The following CAP2 variants were observed in gnomAD, a reference collection of about 807,000 sequenced individuals.
CAP2 encodes adenylyl cyclase-associated protein 2.
Under a neutral mutation model 57.7 loss-of-function variants are expected in CAP2, and 24 were observed. That is an observed-to-expected ratio of 0.42 (90% CI 0.30 to 0.58). The LOEUF is 0.58. Ranked by LOEUF, CAP2 falls within the 20% of genes least tolerant of loss-of-function variation. The probability of loss-of-function intolerance (pLI) is 0.22; values close to 1 mark genes in which losing one functional copy is unlikely to be tolerated. For synonymous variants in CAP2, 194 were observed against 207.2 expected (o/e 0.94, Z 0.55); for missense variants, 501 against 590.3 (o/e 0.85, Z 1.57).
At chr6:17,439,611 C>T (rs985187666) in intron 3 of CAP2, among the ~76,000 whole-genome samples, 30 of 151,480 alleles carry the variant, frequency 2.0e-4, no homozygotes, top group Admixed American at 6.6e-4. Context: ...TGCAACTAGA[C>T]GGTCCCATTT....
intron 4 of CAP2, among the ~76,000 whole-genome samples, chr6:17,467,023 T>C (rs1760883610): frequency 6.6e-6 from 1 of 151,898 alleles, no homozygotes; most frequent in African/African-American, 2.4e-5. Flanking sequence ...TTAATAGGAG[T>C]TTTGGGCATT....
intron 1 of CAP2, among the ~76,000 whole-genome samples, chr6:17,396,064 T>C (rs1758656546): frequency 6.6e-6 from 1 of 152,160 alleles, no homozygotes; most frequent in African/African-American, 2.4e-5. Flanking sequence ...CTCAACATCA[T>C]TATTCATCAG....
intron 1 of CAP2, among the ~76,000 whole-genome samples, chr6:17,408,528 G>A (rs1561772590): frequency 6.6e-6 from 1 of 152,052 alleles, no homozygotes. Flanking sequence ...TTTGCAGGGG[G>A]TCAAACAAAC....
At chr6:17,496,338 A>G (rs1761669182) in intron 4 of CAP2, among the ~76,000 whole-genome samples, 1 of 151,718 alleles carries the variant, frequency 6.6e-6, no homozygotes, top group Non-Finnish European at 1.5e-5. Flanking sequence ...TATCTTGTTC[A>G]GTATTCTGAA....
At chr6:17,410,333 TC>T (rs1445797415) in intron 1 of CAP2, among the ~76,000 whole-genome samples, 155 of 152,306 alleles carry the variant, frequency 1.0e-3, no homozygotes, top group Non-Finnish European at 2.1e-4. Context: ...AACTACTGCA[TC>T]AGTATTGCTG....
chr6:17,469,594 G>C lies in CAP2; in HGVS notation c.300+6521G>C, dbSNP rs1760964661. Among the ~76,000 whole-genome samples the C allele has an allele frequency of 2.6e-5, 4 of 152,078 alleles. No individual in the cohort carries two copies. The South Asian group carries it at 8.3e-4, about 32-fold the overall frequency. On this transcript the variant is annotated intron_variant, in intron 4 of 12. Transcript: ENST00000229922. Reference sequence around the variant, plus strand: ...CTGAGTTCTGTATTCCTCCATAAGGGGGAGAGAGAGAGACAGAGAGCGCGT... The same window carrying C: ...CTGAGTTCTGTATTCCTCCATAAGGCGGAGAGAGAGAGACAGAGAGCGCGT...
intron 4 of CAP2, among the ~76,000 whole-genome samples, chr6:17,489,935 A>G (rs923608182): frequency 2.0e-5 from 3 of 152,010 alleles, no homozygotes; most frequent in Admixed American, 6.5e-5. Context: ...AGGTTGTCAA[A>G]TACAGGAGGT....
rs188558304 is a variant in CAP2 at position 17,495,696 on chromosome 6, G to A, written c.301-11473G>A. Among the ~76,000 whole-genome samples, 116 of 152,274 alleles carry A rather than the reference G, an allele frequency of 7.6e-4. 1 individual carries two copies. The highest frequency in any genetic ancestry group is 6.5e-5 in the Admixed American group (1 of 15,296). ...AAAGAAGCATCTCAGCTCAAGACTC[G>A]AAGATGAAAGTTCATTGGCCGTGAG... On this transcript the variant is annotated intron_variant, in intron 4 of 12. Transcript: ENST00000229922.
intron 4 of CAP2, among the ~76,000 whole-genome samples, chr6:17,476,864 CTTTTTTTTTTT>C (rs67003718): frequency 2.6e-4 from 19 of 72,456 alleles, no homozygotes; most frequent in African/African-American, 1.3e-3. Context: ...TTTCTTACTT[CTTTTTTTTTTT>C]TTTTTTTTTT....
At chr6:17,549,051 A>G (rs944778733) in intron 11 of CAP2, among the ~76,000 whole-genome samples, 6 of 152,230 alleles carry the variant, frequency 3.9e-5, no homozygotes, top group African/African-American at 1.4e-4. Flanking sequence ...TTTAAATTAT[A>G]TGTTTAACAG....
chr6:17,430,880 C>T (rs1200744759), intron 3 of CAP2, among the ~76,000 whole-genome samples: 1 of 152,186 alleles, frequency 6.6e-6, no homozygotes, highest in Non-Finnish European at 1.5e-5. Flanking sequence ...TGTTAGGATT[C>T]ATGGCGGAAC....
chr6:17,539,995 T>C (rs1762862581), intron 8 of CAP2, among the ~76,000 whole-genome samples: 1 of 152,106 alleles, frequency 6.6e-6, no homozygotes, highest in African/African-American at 2.4e-5. Context: ...GGTGGGAGGA[T>C]CGCTTGAGCC....
chr6:17,529,639 T>C (rs1419383211), intron 7 of CAP2, among the ~76,000 whole-genome samples: 6 of 61,302 alleles, frequency 9.8e-5, no homozygotes, highest in Non-Finnish European at 1.6e-4. Context: ...AGACTCCGTC[T>C]CAAAAAAAAA....
intron 3 of CAP2, among the ~76,000 whole-genome samples, chr6:17,444,386 C>T (rs1383693286): frequency 7.9e-5 from 12 of 152,070 alleles, no homozygotes; most frequent in Non-Finnish European, 2.9e-5. Flanking sequence ...CGCCTGTAAT[C>T]CCAGCATTTT....
intron 1 of CAP2, among the ~76,000 whole-genome samples, chr6:17,408,162 T>C (rs1182104645): frequency 6.6e-6 from 1 of 152,188 alleles, no homozygotes; most frequent in Admixed American, 6.5e-5. Flanking sequence ...AGAGGTTTGT[T>C]TGGCTGACAG....
At chr6:17,484,432 C>T (rs750691984) in intron 4 of CAP2, among the ~76,000 whole-genome samples, 4 of 152,018 alleles carry the variant, frequency 2.6e-5, no homozygotes, top group East Asian at 3.9e-4. Context: ...GTGCATCTGG[C>T]GGCATCATGA....
At chr6:17,405,318 G>C (rs71556108) in intron 1 of CAP2, among the ~76,000 whole-genome samples, 2 of 152,148 alleles carry the variant, frequency 1.3e-5, no homozygotes, top group East Asian at 3.9e-4. Context: ...GGAGGCAAAG[G>C]TTGCAGTGAG....
chr6:17,448,090 C>T (rs1446210971), intron 3 of CAP2, among the ~76,000 whole-genome samples: 4 of 152,252 alleles, frequency 2.6e-5, no homozygotes, highest in African/African-American at 7.2e-5. Flanking sequence ...GGCATGTATA[C>T]ATGCATGAAA....
At chr6:17,489,766 C>A (rs1581563175) in intron 4 of CAP2, among the ~76,000 whole-genome samples, 1 of 151,876 alleles carries the variant, frequency 6.6e-6, no homozygotes, top group Non-Finnish European at 1.5e-5. Flanking sequence ...TTGCCAGATC[C>A]CAGTCTGGAG....
Sources: gnomAD v4.1 joint callset for allele counts (sites outside exome capture counted in the v4.1 genomes callset) on GRCh38, gnomAD v4.1.1 for gene constraint, MANE v1.5 for transcripts, NCBI Gene and HGNC (gene_info 2026-07-23, HGNC 2026-07-21) for gene names.